ANO2: variants seen among roughly 807,000 people sequenced by gnomAD.
The protein encoded by ANO2 is anoctamin 2.
A neutral mutation model predicts 124.2 loss-of-function variants in ANO2; 101 were observed. The observed-to-expected ratio is 0.81, with a 90% confidence interval of 0.69 to 0.96. ANO2 has a LOEUF of 0.96. Ranked by LOEUF, ANO2 falls within the 40% of genes least tolerant of loss-of-function variation. The pLI is 0.00. For missense variants in ANO2, 1,293 were observed against 1,274.5 expected, an observed-to-expected ratio of 1.01 and a Z score of -0.22; for synonymous variants, 486 against 482.5, an observed-to-expected ratio of 1.01 and a Z score of -0.09.
chr12:5,760,641 T>C (rs905847887), intron 10 of ANO2, among the ~76,000 whole-genome samples: 3 of 152,026 alleles, frequency 2.0e-5, no homozygotes, highest in Admixed American at 6.6e-5. Context: ...AATTCCTCCT[T>C]CTCCACCTAC....
At chr12:5,736,615 T>C (rs1471746550) in intron 13 of ANO2, among the ~76,000 whole-genome samples, 1 of 152,208 alleles carries the variant, frequency 6.6e-6, no homozygotes, top group African/African-American at 2.4e-5. Flanking sequence ...AAATGCTTCA[T>C]ATAAGTCCTA....
intron 3 of ANO2, among the ~76,000 whole-genome samples, chr12:5,871,648 G>A (rs1474645111): frequency 6.6e-6 from 1 of 152,132 alleles, no homozygotes; most frequent in African/African-American, 2.4e-5. Context: ...GATGATCTGA[G>A]GTAGAAGTTT....
intron 14 of ANO2, among the ~76,000 whole-genome samples, chr12:5,675,116 G>A (rs1457765876): frequency 6.6e-6 from 1 of 152,216 alleles, no homozygotes; most frequent in Admixed American, 6.5e-5. Flanking sequence ...TAGATGGATG[G>A]ATGAATGAAT....
chr12:5,754,337 G>A (rs1565643325), intron 10 of ANO2, among the ~76,000 whole-genome samples: 1 of 152,096 alleles, frequency 6.6e-6, no homozygotes, highest in Non-Finnish European at 1.5e-5. Flanking sequence ...TTGTTGAATA[G>A]TTTTGCATCT....
intron 14 of ANO2, among the ~76,000 whole-genome samples, chr12:5,730,203 G>T (rs1302076567): frequency 6.6e-6 from 1 of 152,062 alleles, no homozygotes; most frequent in Non-Finnish European, 1.5e-5. Flanking sequence ...TATGCATATT[G>T]AATTGTGCAC....
intron 3 of ANO2, among the ~76,000 whole-genome samples, chr12:5,878,317 A>G (rs967199375): frequency 6.6e-6 from 1 of 152,348 alleles, no homozygotes; most frequent in Admixed American, 6.5e-5. Context: ...TCATCTGGTG[A>G]GGATCACACA....
At position 5,660,185 on chromosome 12, in the gene ANO2, C is replaced by G. The variant is rs117050140; in HGVS notation, c.1546-12384G>C. Among the ~76,000 whole-genome samples the G allele has an allele frequency of 5.3e-3, 813 of 152,164 alleles. 7 individuals carry two copies. Among genetic ancestry groups the G allele is most frequent in the Non-Finnish European group, 8.1e-3 (548 of 68,002 alleles). On this transcript the variant is annotated intron_variant, in intron 14 of 24. Coordinates refer to ENST00000682330, the MANE Select transcript of ANO2 (RefSeq NM_001364791.2). ...TTCTGACTTATGACAGGTTTATCCA[C>G]CATAACCCCACTGTAAGTCAAGGAG...
chr12:5,819,176 T>C (rs928139645), intron 7 of ANO2, among the ~76,000 whole-genome samples: 7 of 152,176 alleles, frequency 4.6e-5, no homozygotes, highest in Non-Finnish European at 8.8e-5. Flanking sequence ...AAAATAATGT[T>C]GATTCTCCTC....
At chr12:5,659,593 C>T (rs1401968616) in intron 14 of ANO2, among the ~76,000 whole-genome samples, 1 of 152,338 alleles carries the variant, frequency 6.6e-6, no homozygotes, top group Admixed American at 6.5e-5. Flanking sequence ...CAGGACAGAA[C>T]GCAGTGTAAT....
chr12:5,789,799 G>A (rs1346671052), intron 10 of ANO2, among the ~76,000 whole-genome samples: 1 of 152,182 alleles, frequency 6.6e-6, no homozygotes, highest in African/African-American at 2.4e-5. Context: ...GGGCATGCCG[G>A]GCTAATTAAA....
chr12:5,716,017 A>T (rs1358363273), intron 14 of ANO2, among the ~76,000 whole-genome samples: 1 of 152,262 alleles, frequency 6.6e-6, no homozygotes, highest in Non-Finnish European at 1.5e-5. Context: ...ACTAATTTTT[A>T]AAATCATGAT....
At position 5,928,288 on chromosome 12, in the gene ANO2, C is replaced by T. The variant is rs532721876; in HGVS notation, c.23-5484G>A. On this transcript the variant is annotated intron_variant, in intron 1 of 24. Transcript: ENST00000682330. ...AGGGCCCTGAAATGAGGGGCCACCT[C>T]CATCCCCAACCTCCCAAAGCCACTG... 3.9e-5 allele frequency among the ~76,000 whole-genome samples: 6 copies of T among 152,290 alleles called. No homozygotes were observed. In the South Asian group the frequency reaches 1.0e-3, roughly 26 times the overall value.
chr12:5,609,352 C>T (rs1944368003), intron 19 of ANO2, among the ~76,000 whole-genome samples: 1 of 151,998 alleles, frequency 6.6e-6, no homozygotes, highest in Non-Finnish European at 1.5e-5. Flanking sequence ...CCAATCCTCC[C>T]CAAAGAAAAT....
At chr12:5,617,116 T>A (rs1944855917) in intron 16 of ANO2, among the ~76,000 whole-genome samples, 1 of 151,330 alleles carries the variant, frequency 6.6e-6, no homozygotes, top group Admixed American at 6.6e-5. Context: ...ACCCTCAAGA[T>A]CACACTGTAC....
chr12:5,705,654 T>C (rs1949579705), intron 14 of ANO2, among the ~76,000 whole-genome samples: 2 of 152,206 alleles, frequency 1.3e-5, no homozygotes, highest in African/African-American at 4.8e-5. Flanking sequence ...CAAACCCCAA[T>C]ACTATTGCTT....
At chr12:5,721,768 A>G (rs1950245901) in intron 14 of ANO2, among the ~76,000 whole-genome samples, 1 of 152,136 alleles carries the variant, frequency 6.6e-6, no homozygotes, top group South Asian at 2.1e-4. Flanking sequence ...TCAGCCTCCC[A>G]AAGTGCTGGG....
chr12:5,923,390 G>C lies in ANO2; in HGVS notation c.23-586C>G, dbSNP rs140150358. On this transcript the variant is annotated intron_variant, in intron 1 of 24. Coordinates refer to ENST00000682330, the MANE Select transcript of ANO2 (RefSeq NM_001364791.2). ...GTGGCATTGAGCAAGTCAGGGTGGTGGGGGGGCACTGCCTGGAGAGACACC... is the reference window on the plus strand; with the variant it reads ...GTGGCATTGAGCAAGTCAGGGTGGTCGGGGGGCACTGCCTGGAGAGACACC... Among the ~76,000 whole-genome samples, 871 of 152,204 alleles carry C rather than the reference G, an allele frequency of 5.7e-3. 9 individuals carry two copies. Among genetic ancestry groups the C allele is most frequent in the African/African-American group, 0.019 (792 of 41,510 alleles).
chr12:5,899,852 T>G (rs573533604), intron 3 of ANO2, among the ~76,000 whole-genome samples: 2 of 152,266 alleles, frequency 1.3e-5, no homozygotes, highest in East Asian at 3.9e-4. Flanking sequence ...ATGGTTTGGG[T>G]GTGTGCGCTT....
rs1309502388 is a variant in ANO2 at position 5,714,477 on chromosome 12, G to C, written c.1545+18043C>G. The stretch of plus-strand genomic sequence containing the variant: ...CCACTGCCACCTTTGTTTCCTGCCT[G>C]TGTCTCCAGAGAGCTAGAAATAGCA... On this transcript the variant is annotated intron_variant, in intron 14 of 24. Transcript: ENST00000682330. Among the ~76,000 whole-genome samples, 13 of 152,188 alleles carry C rather than the reference G, an allele frequency of 8.5e-5. No homozygotes were observed. The East Asian group carries it at 2.3e-3, about 27-fold the overall frequency.
Sources: gnomAD v4.1 joint callset for allele counts (sites outside exome capture counted in the v4.1 genomes callset) on GRCh38, gnomAD v4.1.1 for gene constraint, MANE v1.5 for transcripts, NCBI Gene and HGNC (gene_info 2026-07-23, HGNC 2026-07-21) for gene names.